Variants in PDE10A observed in about 807,000 individuals in gnomAD.
PDE10A encodes the protein cAMP and cAMP-inhibited cGMP 3',5'-cyclic phosphodiesterase 10A.
Under a neutral mutation model 97.7 loss-of-function variants are expected in PDE10A, and 39 were observed. That is an observed-to-expected ratio of 0.40 (90% CI 0.31 to 0.52). The LOEUF (loss-of-function observed/expected upper bound fraction) is 0.52, where lower values mean the gene tolerates loss of function less well. Among genes scored for constraint, PDE10A ranks in the 20% least tolerant of loss-of-function variants. The pLI is 0.56. For missense variants in PDE10A, 731 were observed against 1,047.8 expected, an observed-to-expected ratio of 0.70 and a Z score of 4.17; for synonymous variants, 371 against 376.8, an observed-to-expected ratio of 0.98 and a Z score of 0.18.
intron 1 of PDE10A, among the ~76,000 whole-genome samples, chr6:165,742,145 G>A (rs902300148): frequency 1.3e-5 from 2 of 152,102 alleles, no homozygotes; most frequent in African/African-American, 4.8e-5. Flanking sequence ...TTTTAGGGAA[G>A]GTAAGACTGA....
chr6:165,440,334 A>C lies in PDE10A; in HGVS notation c.1195-4957T>G, dbSNP rs1790349954. On this transcript the variant is annotated intron_variant, in intron 5 of 21. Coordinates refer to ENST00000539869, the MANE Select transcript of PDE10A (RefSeq NM_001385079.1). ...TATTTCTGGTGAATGTTTAATGTAT[A>C]CATACTGAAGGTAAAACTTAAGATT... 2.0e-5 allele frequency among the ~76,000 whole-genome samples: 3 copies of C among 152,252 alleles called. No individual in the cohort carries two copies. The South Asian group carries it at 6.2e-4, about 31-fold the overall frequency.
intron 1 of PDE10A, among the ~76,000 whole-genome samples, chr6:165,563,218 A>T (rs772185524): frequency 3.5e-5 from 5 of 143,026 alleles, no homozygotes; most frequent in Non-Finnish European, 7.6e-5. Context: ...GGAAAAAGAA[A>T]AAAGAAAGAG....
chr6:165,405,488 G>A (rs1294015139), intron 13 of PDE10A, among the ~76,000 whole-genome samples: 2 of 151,832 alleles, frequency 1.3e-5, no homozygotes, highest in African/African-American at 4.8e-5. Flanking sequence ...ATGCAACACT[G>A]ACTGTCTACT....
intron 1 of PDE10A, among the ~76,000 whole-genome samples, chr6:165,708,048 C>G (rs1004280751): frequency 2.0e-5 from 3 of 152,182 alleles, no homozygotes; most frequent in African/African-American, 7.2e-5. Context: ...TGCCTCCTTG[C>G]CAGCTATCCT....
At chr6:165,445,123 T>A (rs1388608673) in intron 5 of PDE10A, among the ~76,000 whole-genome samples, 1 of 152,334 alleles carries the variant, frequency 6.6e-6, no homozygotes, top group South Asian at 2.1e-4. Context: ...AATATATACA[T>A]GTATCTGCTT....
At chr6:165,621,378 C>T (rs965016891) in intron 1 of PDE10A, among the ~76,000 whole-genome samples, 2 of 151,992 alleles carry the variant, frequency 1.3e-5, no homozygotes, top group Non-Finnish European at 2.9e-5. Flanking sequence ...GAAAGTCAAA[C>T]CTATTCTTTC....
At chr6:165,772,584 A>G (rs973392145) in intron 1 of PDE10A, among the ~76,000 whole-genome samples, 1 of 152,220 alleles carries the variant, frequency 6.6e-6, no homozygotes, top group Admixed American at 6.5e-5. Context: ...TCGTCTGTAA[A>G]AATGAGGCCT....
intron 1 of PDE10A, among the ~76,000 whole-genome samples, chr6:165,859,317 C>T (rs1294675157): frequency 6.6e-6 from 1 of 152,176 alleles, no homozygotes; most frequent in Non-Finnish European, 1.5e-5. Flanking sequence ...GTAAAATATA[C>T]ATAACACAAA....
intron 3 of PDE10A, among the ~76,000 whole-genome samples, chr6:165,459,898 C>T (rs977149535): frequency 1.3e-5 from 2 of 152,070 alleles, no homozygotes; most frequent in African/African-American, 4.8e-5. Flanking sequence ...CGAGTCAGGC[C>T]GCCAGATAGG....
intron 1 of PDE10A, among the ~76,000 whole-genome samples, chr6:165,915,227 G>A (rs1337714997): frequency 6.6e-6 from 1 of 152,144 alleles, no homozygotes; most frequent in Admixed American, 6.5e-5. Context: ...GTCCAAATAT[G>A]AGATTAGACA....
At chr6:165,784,952 A>T (rs1778454329) in intron 1 of PDE10A, among the ~76,000 whole-genome samples, 1 of 152,220 alleles carries the variant, frequency 6.6e-6, no homozygotes, top group Admixed American at 6.5e-5. Flanking sequence ...CCAGGAACCA[A>T]TGCTGTCCTT....
At chr6:165,700,985 C>T (rs974326892) in intron 1 of PDE10A, among the ~76,000 whole-genome samples, 1 of 152,170 alleles carries the variant, frequency 6.6e-6, no homozygotes, top group African/African-American at 2.4e-5. Context: ...CCTGTGATAC[C>T]TGGATTCCAT....
rs147562166 is a variant in PDE10A, at chr6:165,493,406, C to T, written c.995-11063G>A. On this transcript the variant is annotated intron_variant, in intron 2 of 21. Coordinates refer to ENST00000539869, the MANE Select transcript of PDE10A (RefSeq NM_001385079.1). ...AAAGGCTAAGCAAAAAGAACAAATCCGGAGGCATCACATTATCCAACTTCA... is the reference window on the plus strand; with the variant it reads ...AAAGGCTAAGCAAAAAGAACAAATCTGGAGGCATCACATTATCCAACTTCA... 3.9e-4 allele frequency among the ~76,000 whole-genome samples: 60 copies of T among 152,052 alleles called. No homozygotes were observed. In the East Asian group the frequency reaches 6.9e-3, roughly 18 times the overall value.
chr6:165,778,097 C>T (rs543677001), intron 1 of PDE10A, among the ~76,000 whole-genome samples: 16 of 151,756 alleles, frequency 1.1e-4, no homozygotes, highest in South Asian at 8.3e-4. Flanking sequence ...TTTTTTGAGA[C>T]GGAGTCTCAC....
intron 1 of PDE10A, among the ~76,000 whole-genome samples, chr6:165,653,707 G>A (rs1789797617): frequency 6.6e-6 from 1 of 152,202 alleles, no homozygotes; most frequent in Admixed American, 6.5e-5. Flanking sequence ...GCAAGGCACA[G>A]CTCTGATGCA....
chr6:165,867,760 C>T (rs1422075258), intron 1 of PDE10A, among the ~76,000 whole-genome samples: 1 of 151,974 alleles, frequency 6.6e-6, no homozygotes, highest in Non-Finnish European at 1.5e-5. Flanking sequence ...TTCTCCAGGA[C>T]AGACCATATG....
At chr6:165,958,601 GAGAGA>G (rs1562327453) in intron 1 of PDE10A, among the ~76,000 whole-genome samples, 699 of 34,594 alleles carry the variant, frequency 0.02, 20 homozygotes, top group African/African-American at 0.037. Context: ...GAGAAAGAAA[GAGAGA>G]AAGGAAGGAA....
At chr6:165,694,139 G>A (rs1474967556) in intron 1 of PDE10A, among the ~76,000 whole-genome samples, 1 of 152,196 alleles carries the variant, frequency 6.6e-6, no homozygotes, top group Non-Finnish European at 1.5e-5. Flanking sequence ...TCTATACCAA[G>A]CTTCCTTTCT....
chr6:165,522,957 T>C (rs918820708), intron 2 of PDE10A, among the ~76,000 whole-genome samples: 2 of 151,970 alleles, frequency 1.3e-5, no homozygotes, highest in African/African-American at 2.4e-5. Context: ...CAAAAATCAA[T>C]AGTGTTTCTA....
Sources: gnomAD v4.1 joint callset for allele counts (sites outside exome capture counted in the v4.1 genomes callset) on GRCh38, gnomAD v4.1.1 for gene constraint, MANE v1.5 for transcripts, NCBI Gene and HGNC (gene_info 2026-07-23, HGNC 2026-07-21) for gene names.